The following NR2F1-AS1 variants were observed in gnomAD, a reference collection of about 807,000 sequenced individuals.
The protein encoded by NR2F1-AS1 is NR2F1 regulatory antisense RNA 1.
At chr5:93,435,208 G>A (rs1275193025) in intron 4 of NR2F1-AS1, among the ~76,000 whole-genome samples, 1 of 152,030 alleles carries the variant, frequency 6.6e-6, no homozygotes, top group Non-Finnish European at 1.5e-5. Flanking sequence ...TTATCAGTTA[G>A]TATCCTACTC....
At chr5:93,411,236 G>A (rs1017430107) in intron 4 of NR2F1-AS1, 11 of 152,154 alleles carry the variant, frequency 7.2e-5, no homozygotes, top group African/African-American at 2.4e-4. Flanking sequence ...AATTTGGAGG[G>A]GTTGCACTGA....
intron 4 of NR2F1-AS1, among the ~76,000 whole-genome samples, chr5:93,494,459 C>G (rs1455181593): frequency 6.6e-6 from 1 of 152,114 alleles, no homozygotes; most frequent in Non-Finnish European, 1.5e-5. Context: ...ACATGGGAAA[C>G]TGTATCTACT....
At chr5:93,572,954 C>T (rs1474798741) in intron 1 of NR2F1-AS1, among the ~76,000 whole-genome samples, 1 of 152,198 alleles carries the variant, frequency 6.6e-6, no homozygotes, top group Non-Finnish European at 1.5e-5. Flanking sequence ...CTAGGCTGAC[C>T]GCGCAGGGCG....
intron 2 of NR2F1-AS1, among the ~76,000 whole-genome samples, chr5:93,557,656 TTGA>T (rs1752390621): frequency 1.3e-5 from 2 of 152,228 alleles, no homozygotes; most frequent in Admixed American, 1.3e-4. Flanking sequence ...TGCCTTGAAG[TTGA>T]TGACTGCTGA....
At chr5:93,566,306 G>A (rs996076711) in intron 1 of NR2F1-AS1, among the ~76,000 whole-genome samples, 25 of 151,882 alleles carry the variant, frequency 1.6e-4, no homozygotes, top group African/African-American at 5.8e-4. Context: ...GTATAAACTT[G>A]CTGATATTGC....
intron 4 of NR2F1-AS1, among the ~76,000 whole-genome samples, chr5:93,440,412 T>C (rs989531202): frequency 2.0e-5 from 3 of 152,174 alleles, no homozygotes; most frequent in Admixed American, 1.3e-4. Flanking sequence ...GAGCAACCCA[T>C]TGAAGGCCTG....
At chr5:93,538,119 C>T (rs949976676) in intron 4 of NR2F1-AS1, among the ~76,000 whole-genome samples, 1 of 152,078 alleles carries the variant, frequency 6.6e-6, no homozygotes, top group Non-Finnish European at 1.5e-5. Context: ...CCACATACAA[C>T]CCTGAACTGG....
intron 4 of NR2F1-AS1, among the ~76,000 whole-genome samples, chr5:93,435,032 C>A (rs1257429732): frequency 6.6e-6 from 1 of 152,106 alleles, no homozygotes; most frequent in African/African-American, 2.4e-5. Context: ...CTATTTTATG[C>A]TTTGTAAGTA....
chr5:93,451,645 T>C (rs902139922), intron 4 of NR2F1-AS1, among the ~76,000 whole-genome samples: 1 of 152,132 alleles, frequency 6.6e-6, no homozygotes, highest in Non-Finnish European at 1.5e-5. Flanking sequence ...TCAAGTGATC[T>C]GTCCACCTTG....
chr5:93,525,035 TA>T (rs1442337884), intron 4 of NR2F1-AS1, among the ~76,000 whole-genome samples: 1 of 152,146 alleles, frequency 6.6e-6, no homozygotes, highest in African/African-American at 2.4e-5. Flanking sequence ...GTAAATGGAC[TA>T]AATGCCCCAA....
At chr5:93,487,570 A>G (rs1179751777) in intron 4 of NR2F1-AS1, among the ~76,000 whole-genome samples, 5 of 152,172 alleles carry the variant, frequency 3.3e-5, no homozygotes, top group Non-Finnish European at 7.4e-5. Context: ...AGAACTACAA[A>G]CCACTGCTCA....
At chr5:93,549,535 A>C (rs1752175060) in intron 4 of NR2F1-AS1, among the ~76,000 whole-genome samples, 1 of 152,162 alleles carries the variant, frequency 6.6e-6, no homozygotes, top group Non-Finnish European at 1.5e-5. Flanking sequence ...CATGAGAAAC[A>C]CAGAATTACT....
At chr5:93,584,268 A>T (rs1311383533), upstream of NR2F1-AS1, 1 of 148,650 alleles carries the variant, frequency 6.7e-6, no homozygotes, top group East Asian at 2.0e-4. Context: ...CGCTCGCCGC[A>T]GCAGCTCCGG....
intron 1 of NR2F1-AS1, among the ~76,000 whole-genome samples, chr5:93,573,852 G>C (rs928702886): frequency 6.6e-6 from 1 of 152,122 alleles, no homozygotes; most frequent in Non-Finnish European, 1.5e-5. Context: ...AAGGGGCTGG[G>C]GCGGCTTACA....
intron 4 of NR2F1-AS1, among the ~76,000 whole-genome samples, chr5:93,468,798 T>A (rs1410644496): frequency 7.3e-4 from 107 of 145,632 alleles, no homozygotes; most frequent in African/African-American, 1.4e-3. Context: ...TTTAAGTCTT[T>A]AATCCATCTT....
intron 2 of NR2F1-AS1, among the ~76,000 whole-genome samples, chr5:93,560,882 C>T (rs1316350932): frequency 6.6e-6 from 1 of 152,164 alleles, no homozygotes; most frequent in African/African-American, 2.4e-5. Flanking sequence ...CCTATATCTA[C>T]ATATAAAGAA....
intron 4 of NR2F1-AS1, among the ~76,000 whole-genome samples, chr5:93,439,274 A>C (rs887834861): frequency 1.3e-5 from 2 of 152,190 alleles, no homozygotes; most frequent in South Asian, 4.1e-4. Flanking sequence ...TTTTCCTTTT[A>C]GTTCATGGCA....
intron 4 of NR2F1-AS1, among the ~76,000 whole-genome samples, chr5:93,536,876 G>T (rs1751850968): frequency 1.3e-5 from 2 of 152,270 alleles, no homozygotes; most frequent in South Asian, 4.2e-4. Flanking sequence ...ATGGGAGTGG[G>T]TCTTTCCTGT....
intron 4 of NR2F1-AS1, among the ~76,000 whole-genome samples, chr5:93,442,643 A>C (rs764474034): frequency 3.9e-5 from 6 of 152,208 alleles, no homozygotes; most frequent in Non-Finnish European, 7.4e-5. Context: ...AAGGCAGCAG[A>C]AACTTGTGTA....
Sources: allele counts gnomAD v4.1 joint callset (sites outside exome capture counted in the v4.1 genomes callset), GRCh38; gene constraint gnomAD v4.1.1; transcripts MANE v1.5; gene names NCBI Gene and HGNC (gene_info 2026-07-23, HGNC 2026-07-21).